AMN: variants seen among roughly 807,000 people sequenced by gnomAD.
AMN encodes amnion associated transmembrane protein.
Under a neutral mutation model 49.1 loss-of-function variants are expected in AMN, and 40 were observed. The observed-to-expected ratio is 0.81, with a 90% CI of 0.63 to 1.06. The LOEUF (loss-of-function observed/expected upper bound fraction) is 1.06. Among genes scored for constraint, AMN ranks in the 50% least tolerant of loss-of-function variants. The probability of loss-of-function intolerance (pLI) is 0.00; values close to 1 mark genes in which losing one functional copy is unlikely to be tolerated. For synonymous variants in AMN, 380 were observed against 313.3 expected, an observed-to-expected ratio of 1.21 and a Z score of -2.25; for missense variants, 701 against 662.8, an observed-to-expected ratio of 1.06 and a Z score of -0.63.
rs772756330 is a variant in AMN, at chr14:102,930,634, G to T, written c.1316G>T (p.Ser439Ile). The T allele has an allele frequency of 6.9e-6, 11 of 1,601,166 alleles. No individual in the cohort carries two copies. The Admixed American group carries it at 1.9e-4, about 27-fold the overall frequency. Residue 439 changes from serine to isoleucine, a missense_variant, in exon 12 of 12, where the codon AGT (serine) becomes ATT (isoleucine). Transcript: ENST00000299155. ...GCGGCCGCAGACAGCACCAGCCACA[G>T]TTACTTCGTCAACCCTCTGTTCGCC... ...PKAAADSTSHSYFVNPLFAGA... is the reference protein window; with the variant it reads ...PKAAADSTSHIYFVNPLFAGA...
intron 1 of AMN, chr14:102,923,352 T>A (rs976187672): frequency 2.3e-5 from 8 of 351,800 alleles, no homozygotes; most frequent in African/African-American, 1.7e-4. Context: ...CGAGAAGAGG[T>A]CTGTGCTGCC....
rs773867275 is a variant in AMN at position 102,923,952 on chromosome 14, G to A, written c.180G>A (p.Val60=). 2 of 1,613,304 alleles carry A rather than the reference G, an allele frequency of 1.2e-6. No individual in the cohort carries two copies. The highest frequency in any genetic ancestry group is 1.3e-5 in the African/African-American group (1 of 75,074). Residue 60 remains valine, a synonymous_variant, in exon 3 of 12, where the codon GTG becomes GTA. Transcript: ENST00000299155. ...FPADKMVSVL[V]QEGHAVSDML... The stretch of plus-strand genomic sequence containing the variant: ...TCCTGCAGATGGTGTCAGTCCTGGT[G>A]CAAGAAGGTCACGCCGTCTCAGACA...
Position 102,929,101 on chromosome 14 carries a change from G to A in AMN, c.514-20G>A. On this transcript the variant is annotated intron_variant, in intron 5 of 11. Transcript: ENST00000299155. ...GTCTCTTCCTCGGGCTGGCTCCGGTGGGGACCCGGCTGCCCGCAGACGTTC... is the reference window on the plus strand; with the variant it reads ...GTCTCTTCCTCGGGCTGGCTCCGGTAGGGACCCGGCTGCCCGCAGACGTTC... 1 of 1,597,640 alleles carries A rather than the reference G, an allele frequency of 6.3e-7. No homozygotes were observed. Among genetic ancestry groups the A allele is most frequent in the Middle Eastern group, 1.7e-4 (1 of 6,060 alleles).
At chr14:102,925,426 A>G (rs1595431360) in intron 3 of AMN, among the ~76,000 whole-genome samples, 1 of 152,196 alleles carries the variant, frequency 6.6e-6, no homozygotes, top group African/African-American at 2.4e-5. Flanking sequence ...GGGCACCCAC[A>G]GCAAGATGGC....
chr14:102,926,236 G>C (rs944124708), intron 3 of AMN, among the ~76,000 whole-genome samples: 1 of 152,218 alleles, frequency 6.6e-6, no homozygotes, highest in Admixed American at 6.5e-5. Flanking sequence ...AGTCACAATG[G>C]TAATGGACTG....
chr14:102,925,171 C>T (rs958137359), intron 3 of AMN, among the ~76,000 whole-genome samples: 1 of 152,242 alleles, frequency 6.6e-6, no homozygotes, highest in Non-Finnish European at 1.5e-5. Context: ...CACCTGCCAG[C>T]TCAGTCACTC....
intron 3 of AMN, among the ~76,000 whole-genome samples, chr14:102,926,263 G>A (rs545607109): frequency 1.3e-5 from 2 of 152,300 alleles, no homozygotes; most frequent in Admixed American, 6.5e-5. Flanking sequence ...TATGGGGCAC[G>A]TGCACCAGCG....
rs1016598695 is a variant in AMN, at chr14:102,930,433, G to A, written c.1197G>A (p.Pro399=). 3.9e-6 allele frequency: 6 copies of A among 1,523,154 alleles called. No individual in the cohort carries two copies. The East Asian group carries it at 7.6e-5, about 19-fold the overall frequency. The allele number at this position is 1,523,154 out of a possible 1,614,324, so 94.4% of individuals were successfully genotyped here. A position where few individuals can be genotyped will look rare whatever the true frequency, so the allele number is the denominator to read the frequency against. ...LRWRRHEAAA[P]AGAPLGFRNP... ...GGAGGAGGCACGAGGCGGCGGCCCC[G>A]GCTGGAGCGCCCCTCGGCTTCCGCA... is the stretch of plus-strand genomic sequence containing the variant. The change falls in exon 11 of 12, where the codon CCG becomes CCA. Residue 399 remains proline (P), a synonymous_variant. Coordinates refer to ENST00000299155, the MANE Select transcript of AMN (RefSeq NM_030943.4).
At chr14:102,929,764 G>T in intron 8 of AMN, 27 bp downstream of exon 8, 1 of 1,548,822 alleles carries the variant, frequency 6.5e-7, no homozygotes, top group Non-Finnish European at 8.7e-7. Flanking sequence ...GGCAGCTGAG[G>T]GGAGTCCCGA....
chr14:102,929,435 C>A lies in AMN; in HGVS notation c.659C>A (p.Pro220Gln). ...GCVCGNAEAQ[P>Q]WICAALLQPL... Reference sequence around the variant, plus strand: ...CACCGCCCCTCGCACCAGGCGCAGCCGTGGATCTGCGCGGCCCTGCTCCAG... The same window carrying A: ...CACCGCCCCTCGCACCAGGCGCAGCAGTGGATCTGCGCGGCCCTGCTCCAG... Residue 220 changes from proline to glutamine, a missense_variant, in exon 7 of 12, where the codon CCG becomes CAG. Coordinates refer to ENST00000299155, the MANE Select transcript of AMN (RefSeq NM_030943.4). 2.0e-6 allele frequency: 3 copies of A among 1,530,920 alleles called. No individual in the cohort carries two copies. The highest frequency in any genetic ancestry group is 2.6e-6 in the Non-Finnish European group (3 of 1,145,280). The allele number at this position is 1,530,920 out of a possible 1,614,324, so 94.8% of individuals were successfully genotyped here.
chr14:102,928,682 C>CGCGTGGCGTGGCGTGGCGTG, intron 4 of AMN, 76 bp from the exon 5 acceptor site: 4 of 1,536,464 alleles, frequency 2.6e-6, no homozygotes, highest in Admixed American at 1.9e-5. Flanking sequence ...CGTGCTCAGA[C>CGCGTGGCGTGGCGTGGCGTG]GCGTGGCGTG....
intron 4 of AMN, 49 bp from the exon 5 acceptor site, chr14:102,928,699 CGTGGCGTGGT>C (rs997711365): frequency 3.2e-6 from 5 of 1,558,892 alleles, no homozygotes; most frequent in East Asian, 2.3e-5. Flanking sequence ...CGTGGCGTGG[CGTGGCGTGGT>C]GTGGCGCGGC....
chr14:102,929,828 TG>T (rs1412929539), intron 8 of AMN, 91 bp downstream of exon 8: 1 of 1,541,746 alleles, frequency 6.5e-7, no homozygotes, highest in East Asian at 2.5e-5. Context: ...TCCCTGCGGC[TG>T]CTCACTTGCC....
At chr14:102,923,428 C>A in intron 1 of AMN, 1 of 465,166 alleles carries the variant, frequency 2.1e-6, no homozygotes, top group Non-Finnish European at 4.0e-6. Context: ...CAGCGCCAGG[C>A]AAACTGGGGG....
At chr14:102,930,120 C>T (rs1190348097) in intron 9 of AMN, 34 bp downstream of exon 9, 5 of 1,501,158 alleles carry the variant, frequency 3.3e-6, no homozygotes, top group Admixed American at 4.5e-5. Flanking sequence ...CCCCGCCGCG[C>T]CTCGCCCCGC....
rs138106067 is a variant in AMN at position 102,923,797 on chromosome 14, G to T, written c.130G>T (p.Ala44Ser). ...CTGGAGCCAGAACCGGACCCCGTGC[G>T]CCGGCGGCGCCGTTGAGTTCCCGGC... ...ANWSQNRTPC[A>S]GGAVEFPADK... Residue 44 changes from alanine to serine, a missense_variant, in exon 2 of 12, where the codon GCC (alanine) becomes TCC (serine). Ala to Ser is a moderately conservative substitution (Grantham distance 99). Transcript: ENST00000299155. 2 of 1,612,670 alleles carry T rather than the reference G, an allele frequency of 1.2e-6. No homozygotes were observed. Among genetic ancestry groups the T allele is most frequent in the Non-Finnish European group, 1.7e-6 (2 of 1,179,834 alleles).
intron 3 of AMN, 101 bp downstream of exon 3, chr14:102,924,080 A>C: frequency 1.3e-6 from 2 of 1,520,700 alleles, no homozygotes; most frequent in Non-Finnish European, 1.8e-6. Context: ...ACCGGCATGG[A>C]GGCACTGCAG....
intron 3 of AMN, among the ~76,000 whole-genome samples, chr14:102,928,136 G>T (rs1891228899): frequency 1.3e-5 from 2 of 152,236 alleles, no homozygotes; most frequent in African/African-American, 4.8e-5. Context: ...CCACGGCTCC[G>T]TCTCGCTCCC....
Position 102,929,663 on chromosome 14 carries a change from G to T in AMN, c.769G>T (p.Val257Leu). 1.3e-6 allele frequency: 2 copies of T among 1,549,668 alleles called. No homozygotes were observed. The highest frequency in any genetic ancestry group is 1.7e-6 in the Non-Finnish European group (2 of 1,147,074). ...CTGCCCTCCCGCCGCAGGAGCCGTT[G>T]TGTTGCTGACCCACGGCCCCGCATT... is the stretch of plus-strand genomic sequence containing the variant. ...GQCCDLCGAV[V>L]LLTHGPAFDL... The change falls in exon 8 of 12, where the codon GTG becomes TTG. Residue 257 changes from valine to leucine, a missense_variant. Val to Leu is a conservative substitution (Grantham distance 32). Coordinates refer to ENST00000299155, the MANE Select transcript of AMN (RefSeq NM_030943.4).
Sources: gnomAD v4.1 joint callset for allele counts (sites outside exome capture counted in the v4.1 genomes callset) on GRCh38, gnomAD v4.1.1 for gene constraint, MANE v1.5 for transcripts, NCBI Gene and HGNC (gene_info 2026-07-23, HGNC 2026-07-21) for gene names.